Variants in BCAT1 observed in about 807,000 individuals in gnomAD.
BCAT1 encodes branched chain amino acid transaminase 1.
In BCAT1, 48 loss-of-function variants were observed where a neutral mutation model predicts 52.4. The ratio of observed to expected loss-of-function variants is 0.92; its 90% CI spans 0.73 to 1.16. The LOEUF (loss-of-function observed/expected upper bound fraction) is 1.16. BCAT1 is among the 50% of genes most tolerant of loss of function. BCAT1 has a pLI of 0.00. For synonymous variants in BCAT1, 167 were observed against 161.3 expected (o/e 1.04, Z -0.27); for missense variants, 451 against 457.1 (o/e 0.99, Z 0.12).
rs572369021 is a variant in BCAT1, at chr12:24,907,891, T to C, written c.7-6006A>G. ...CTGTACCCAGGTGATTAAAAAGCTT[T>C]ATTGCTCACACAAAGCCTGTTTGGT... On this transcript the variant is annotated intron_variant, in intron 1 of 10. Transcript: ENST00000261192. Among the ~76,000 whole-genome samples the C allele has an allele frequency of 3.2e-3, 492 of 152,316 alleles. 3 individuals carry two copies. The highest frequency in any genetic ancestry group is 0.01 in the Middle Eastern group (3 of 294).
chr12:24,902,762 G>C (rs1384223621), intron 1 of BCAT1: 1 of 863,394 alleles, frequency 1.2e-6, no homozygotes, highest in Non-Finnish European at 1.7e-6. Context: ...GAGATTGCAG[G>C]CTGGGACTCC....
intron 6 of BCAT1, 35 bp from the exon 7 acceptor site, chr12:24,842,259 T>C (rs757131013): frequency 1.2e-6 from 2 of 1,609,342 alleles, no homozygotes; most frequent in Non-Finnish European, 8.5e-7. Context: ...GTTACAAACA[T>C]ACTTCATCCC....
At chr12:24,894,539 C>G in intron 2 of BCAT1, 64 bp from the exon 3 acceptor site, 1 of 1,304,164 alleles carries the variant, frequency 7.7e-7, no homozygotes, top group South Asian at 1.4e-5. Context: ...CTAGATTATA[C>G]AGAGGGGAAA....
Position 24,810,710 on chromosome 12 carries a change from G to A in BCAT1, c.*7298C>T, listed in dbSNP as rs554984695. On this transcript the variant is annotated 3_prime_UTR_variant, in exon 11 of 11. Coordinates refer to ENST00000261192, the MANE Select transcript of BCAT1 (RefSeq NM_005504.7). Reference sequence around the variant, plus strand: ...ACAGGGTCTGGAGAAGTGGGTCACCGAGCACTCTGACATTTTTAAGTTCAG... The same window carrying A: ...ACAGGGTCTGGAGAAGTGGGTCACCAAGCACTCTGACATTTTTAAGTTCAG... 5.3e-5 allele frequency: 8 copies of A among 152,268 alleles called. No homozygotes were observed. The South Asian group carries it at 1.5e-3, about 28-fold the overall frequency. 9.4% of individuals were successfully genotyped at this position (152,268 alleles called of 1,614,324 possible).
At chr12:24,822,927 T>TAGGGAGA (rs1380891515) in intron 10 of BCAT1, among the ~76,000 whole-genome samples, 8 of 152,192 alleles carry the variant, frequency 5.3e-5, no homozygotes, top group Admixed American at 2.0e-4. Flanking sequence ...TATATAAAGT[T>TAGGGAGA]AGGGAGAAAA....
chr12:24,817,638 CA>C lies in BCAT1; in HGVS notation c.*369del, dbSNP rs925063605. The C allele has an allele frequency of 4.1e-5, 7 of 171,556 alleles. No individual in the cohort carries two copies. The highest frequency in any genetic ancestry group is 7.4e-5 in the Non-Finnish European group (6 of 81,106). 10.6% of individuals were successfully genotyped at this position (171,556 alleles called of 1,614,324 possible). On this transcript the variant is annotated 3_prime_UTR_variant, in exon 11 of 11. Transcript: ENST00000261192. ...TCTCAAATTAGCTTTCAAACACACA[CA>C]AAAAATTGCATTTGTTTGAGGAGCA...
chr12:24,909,763 A>G (rs1271627889), intron 1 of BCAT1, among the ~76,000 whole-genome samples: 1 of 152,232 alleles, frequency 6.6e-6, no homozygotes, highest in Non-Finnish European at 1.5e-5. Flanking sequence ...AAGACTAAGC[A>G]TATACACTAA....
rs901363910 is a variant in BCAT1 at position 24,810,471 on chromosome 12, T to C, written c.*7537A>G. The C allele has an allele frequency of 2.0e-5, 3 of 152,202 alleles. No individual in the cohort carries two copies. Among genetic ancestry groups the C allele is most frequent in the Admixed American group, 1.3e-4 (2 of 15,276 alleles). The allele number at this position is 152,202 out of a possible 1,614,324, so 9.4% of individuals were successfully genotyped here. A position where few individuals can be genotyped will look rare whatever the true frequency, so the allele number is the denominator to read the frequency against. On this transcript the variant is annotated 3_prime_UTR_variant, in exon 11 of 11. Transcript: ENST00000261192. Reference sequence around the variant, plus strand: ...AATGTAGAAAACACACTTTCTACCCTGAAGGAAACTGCTGTCTTATCTGAT... The same window carrying C: ...AATGTAGAAAACACACTTTCTACCCCGAAGGAAACTGCTGTCTTATCTGAT...
At chr12:24,914,401 C>T (rs1021986676) in intron 1 of BCAT1, among the ~76,000 whole-genome samples, 2 of 152,006 alleles carry the variant, frequency 1.3e-5, no homozygotes, top group African/African-American at 4.8e-5. Context: ...ATTTTATAAG[C>T]CATTGAACTA....
At chr12:24,823,930 CTCTT>C (rs1460421764) in intron 10 of BCAT1, among the ~76,000 whole-genome samples, 6 of 152,332 alleles carry the variant, frequency 3.9e-5, no homozygotes, top group African/African-American at 1.4e-4. Context: ...TTTAAAAATG[CTCTT>C]TCTGAGAACT....
At chr12:24,897,744 G>A (rs1008211096) in intron 2 of BCAT1, among the ~76,000 whole-genome samples, 4 of 152,166 alleles carry the variant, frequency 2.6e-5, no homozygotes, top group Non-Finnish European at 4.4e-5. Context: ...GGTAGAGATG[G>A]GGTTTCACCA....
At chr12:24,866,343 G>A (rs894395562) in intron 5 of BCAT1, among the ~76,000 whole-genome samples, 5 of 152,188 alleles carry the variant, frequency 3.3e-5, no homozygotes, top group African/African-American at 7.2e-5. Context: ...GGCAGGGCTC[G>A]GGACCTGCAG....
intron 5 of BCAT1, among the ~76,000 whole-genome samples, chr12:24,857,535 T>A (rs146497866): frequency 6.4e-4 from 98 of 152,286 alleles, no homozygotes; most frequent in African/African-American, 2.3e-3. Context: ...TAGATAAAAG[T>A]TTTTTCTTCT....
At chr12:24,882,050 G>A (rs954201) in intron 3 of BCAT1, among the ~76,000 whole-genome samples, 82,951 of 151,976 alleles carry the variant, frequency 0.55, 23,305 homozygotes, top group East Asian at 0.77. Flanking sequence ...AATTTTAGTG[G>A]GAAAATTTAA....
At chr12:24,844,481 T>C (rs1217836651) in intron 6 of BCAT1, among the ~76,000 whole-genome samples, 3 of 152,162 alleles carry the variant, frequency 2.0e-5, no homozygotes, top group Non-Finnish European at 4.4e-5. Flanking sequence ...GTTTTCTGAC[T>C]TGCAACTGAA....
intron 1 of BCAT1, chr12:24,902,227 T>C (rs1182007845): frequency 4.3e-6 from 6 of 1,385,154 alleles, no homozygotes; most frequent in African/African-American, 1.5e-5. Context: ...GCAAATAGTC[T>C]AGACTGGGGT....
chr12:24,904,709 C>T (rs984844408), intron 1 of BCAT1: 4 of 152,190 alleles, frequency 2.6e-5, no homozygotes, highest in Non-Finnish European at 5.9e-5. Context: ...ACTTGCTACT[C>T]AAAAATCTGT....
intron 1 of BCAT1, among the ~76,000 whole-genome samples, chr12:24,930,144 G>A (rs555009445): frequency 3.3e-5 from 5 of 152,238 alleles, no homozygotes; most frequent in South Asian, 2.1e-4. Flanking sequence ...GGTCACTTAC[G>A]GATTCTTCAC....
intron 5 of BCAT1, among the ~76,000 whole-genome samples, chr12:24,850,869 T>C (rs1306730646): frequency 6.6e-6 from 1 of 152,208 alleles, no homozygotes; most frequent in Non-Finnish European, 1.5e-5. Flanking sequence ...AATTAAAAAC[T>C]TTTAAATTTA....
Sources: allele counts gnomAD v4.1 joint callset (sites outside exome capture counted in the v4.1 genomes callset), GRCh38; gene constraint gnomAD v4.1.1; transcripts MANE v1.5; gene names NCBI Gene and HGNC (gene_info 2026-07-23, HGNC 2026-07-21).